DENND5A: variants seen among roughly 807,000 people sequenced by gnomAD.
DENND5A encodes DENN domain-containing protein 5A.
A neutral mutation model predicts 140.3 loss-of-function variants in DENND5A; 64 were observed. The observed-to-expected ratio is 0.46, with a 90% confidence interval of 0.37 to 0.56. The LOEUF (loss-of-function observed/expected upper bound fraction) is 0.56, where lower values mean the gene tolerates loss of function less well. Among genes scored for constraint, DENND5A ranks in the 20% least tolerant of loss-of-function variants. The pLI, the probability that DENND5A is intolerant of heterozygous loss-of-function variation, is 0.00. For missense variants in DENND5A, 1,292 were observed against 1,593.8 expected, an observed-to-expected ratio of 0.81 and a Z score of 3.22; for synonymous variants, 605 against 607.7, an observed-to-expected ratio of 1.00 and a Z score of 0.07.
At chr11:9,164,330 G>A (rs1848114597) in intron 11 of DENND5A, among the ~76,000 whole-genome samples, 1 of 148,900 alleles carries the variant, frequency 6.7e-6, no homozygotes, top group Admixed American at 6.8e-5. Flanking sequence ...CAGGATTACA[G>A]GCATGAGCCG....
intron 19 of DENND5A, 99 bp from the exon 20 acceptor site, chr11:9,143,584 G>A (rs1847321751): frequency 1.0e-6 from 1 of 984,428 alleles, no homozygotes; most frequent in Non-Finnish European, 1.6e-6. Context: ...GCCCATAGGA[G>A]AGGCAGGGCA....
intron 1 of DENND5A, among the ~76,000 whole-genome samples, chr11:9,244,809 G>T (rs1162101915): frequency 6.6e-6 from 1 of 152,010 alleles, no homozygotes; most frequent in Non-Finnish European, 1.5e-5. Context: ...TGAGGATCTG[G>T]GACTACAGGC....
In DENND5A at chr11:9,170,612, C is replaced by G; in HGVS notation, c.2057+15G>C. The G allele has an allele frequency of 6.2e-7, 1 of 1,613,608 alleles. No individual in the cohort carries two copies. Among genetic ancestry groups the G allele is most frequent in the East Asian group, 2.2e-5 (1 of 44,866 alleles). On this transcript the variant is annotated intron_variant, in intron 9 of 22. Transcript: ENST00000328194. ...GCTAGGGAGTTGGATTAGTGAATCC[C>G]TGGGGTTGACTCACTTGTTGCTGGC...
intron 13 of DENND5A, among the ~76,000 whole-genome samples, chr11:9,151,327 A>C (rs1847608444): frequency 6.6e-6 from 1 of 152,262 alleles, no homozygotes. Context: ...TTTAAAACTT[A>C]GTATTTTCAT....
intron 1 of DENND5A, among the ~76,000 whole-genome samples, chr11:9,251,153 A>AG (rs1851703323): frequency 2.0e-5 from 3 of 151,608 alleles, no homozygotes; most frequent in Non-Finnish European, 4.4e-5. Context: ...AAAAAAAAAA[A>AG]AAAAGAAAGA....
intron 1 of DENND5A, among the ~76,000 whole-genome samples, chr11:9,261,319 C>T (rs1368120948): frequency 6.6e-6 from 1 of 152,166 alleles, no homozygotes; most frequent in African/African-American, 2.4e-5. Flanking sequence ...TTCTTAGAGA[C>T]TCCTTAATAC....
chr11:9,248,318 C>T (rs1851566675), intron 1 of DENND5A, among the ~76,000 whole-genome samples: 1 of 151,978 alleles, frequency 6.6e-6, no homozygotes. Context: ...TTTCTTTTGT[C>T]AGTCTTATGA....
At chr11:9,198,950 G>A (rs1031900141) in intron 4 of DENND5A, among the ~76,000 whole-genome samples, 19 of 142,256 alleles carry the variant, frequency 1.3e-4, no homozygotes, top group African/African-American at 4.3e-4. Flanking sequence ...CTAGCTACTC[G>A]GGAGGCTGAG....
chr11:9,179,273 A>G (rs1590239146), intron 6 of DENND5A, among the ~76,000 whole-genome samples, 200 bp from the exon 7 acceptor site: 1 of 152,182 alleles, frequency 6.6e-6, no homozygotes, highest in East Asian at 1.9e-4. Flanking sequence ...GAGAAAAGTC[A>G]AAGAGTTTCA....
Position 9,139,465 on chromosome 11 carries a change from T to A in DENND5A, c.*206A>T, listed in dbSNP as rs1167076585. ...CAGCCTCGCTCCCTCTCCCTATCAC[T>A]CTTTCACATGAAAGTGTGTAAAAAG... On this transcript the variant is annotated 3_prime_UTR_variant, in exon 23 of 23. Coordinates refer to ENST00000328194, the MANE Select transcript of DENND5A (RefSeq NM_015213.4). 5.2e-6 allele frequency: 3 copies of A among 575,774 alleles called. No homozygotes were observed. The Admixed American group carries it at 9.2e-5, about 18-fold the overall frequency. The allele number at this position is 575,774 out of a possible 1,614,324, so 35.7% of individuals were successfully genotyped here.
At chr11:9,190,438 G>C (rs575865108) in intron 5 of DENND5A, among the ~76,000 whole-genome samples, 1 of 152,164 alleles carries the variant, frequency 6.6e-6, no homozygotes. Flanking sequence ...TCTCGTGATA[G>C]TGAATAAGTC....
intron 1 of DENND5A, among the ~76,000 whole-genome samples, chr11:9,263,929 C>A (rs7944713): frequency 0.96 from 144,342 of 150,778 alleles, 69,407 homozygotes; most frequent in East Asian, 1. Flanking sequence ...TCGTTGAAGC[C>A]GAGTAAGATT....
chr11:9,223,320 G>A (rs1850392615), intron 1 of DENND5A, among the ~76,000 whole-genome samples: 1 of 152,034 alleles, frequency 6.6e-6, no homozygotes, highest in African/African-American at 2.4e-5. Context: ...GCCAAGGCAG[G>A]CGGAGGTCAG....
At chr11:9,155,192 G>A (rs535113852) in intron 12 of DENND5A, among the ~76,000 whole-genome samples, 66 of 151,648 alleles carry the variant, frequency 4.4e-4, no homozygotes, top group African/African-American at 1.5e-3. Context: ...GATAATATAA[G>A]AGCTTAAAAT....
chr11:9,255,552 TA>T (rs986091304), intron 1 of DENND5A, among the ~76,000 whole-genome samples: 4 of 150,802 alleles, frequency 2.7e-5, no homozygotes, highest in Non-Finnish European at 4.4e-5. Context: ...GCCAACATGG[TA>T]AAACCCCGTT....
chr11:9,139,447 G>A lies in DENND5A; in HGVS notation c.*224C>T, dbSNP rs938764481. On this transcript the variant is annotated 3_prime_UTR_variant, in exon 23 of 23. Transcript: ENST00000328194. ...CTTCAAAATAAGCGGCACCAGCCTC[G>A]CTCCCTCTCCCTATCACTCTTTCAC... The A allele has an allele frequency of 1.5e-5, 8 of 523,588 alleles. No individual in the cohort carries two copies. Among genetic ancestry groups the A allele is most frequent in the Admixed American group, 6.5e-5 (2 of 30,744 alleles). 32.4% of individuals were successfully genotyped at this position (523,588 alleles called of 1,614,324 possible). A position where few individuals can be genotyped will look rare whatever the true frequency, so the allele number is the denominator to read the frequency against.
At chr11:9,211,012 T>C (rs1468446345) in intron 1 of DENND5A, among the ~76,000 whole-genome samples, 3 of 152,180 alleles carry the variant, frequency 2.0e-5, no homozygotes, top group East Asian at 3.8e-4. Flanking sequence ...TGAGCTTGTC[T>C]GGAGAATTAA....
intron 1 of DENND5A, among the ~76,000 whole-genome samples, chr11:9,225,620 G>A (rs1483178747): frequency 3.9e-5 from 6 of 152,050 alleles, no homozygotes; most frequent in African/African-American, 7.2e-5. Context: ...AAAATCAGCC[G>A]GGCATGGTAG....
chr11:9,193,393 GA>G, intron 5 of DENND5A, 100 bp downstream of exon 5: 1 of 932,624 alleles, frequency 1.1e-6, no homozygotes, highest in Non-Finnish European at 1.5e-6. Context: ...CAAAATAGAA[GA>G]AAATAAACTT....
Sources: allele counts gnomAD v4.1 joint callset (sites outside exome capture counted in the v4.1 genomes callset), GRCh38; gene constraint gnomAD v4.1.1; transcripts MANE v1.5; gene names NCBI Gene and HGNC (gene_info 2026-07-23, HGNC 2026-07-21).